DDX6: variants seen among roughly 807,000 people sequenced by gnomAD.
DDX6 encodes the protein DEAD-box helicase 6.
Under a neutral mutation model 60.6 loss-of-function variants are expected in DDX6, and 7 were observed. The observed-to-expected ratio is 0.12, with a 90% CI of 0.07 to 0.22. The LOEUF (loss-of-function observed/expected upper bound fraction) is 0.22, where lower values mean the gene tolerates loss of function less well. Ranked by LOEUF, DDX6 falls within the 10% of genes least tolerant of loss-of-function variation. The pLI is 1.00. For missense variants in DDX6, 270 were observed against 589.9 expected (o/e 0.46, Z 5.62); for synonymous variants, 207 against 201.0 (o/e 1.03, Z -0.25).
At position 118,786,521 on chromosome 11, in the gene DDX6, G is replaced by C; in HGVS notation, c.-267-3C>G. 3.4e-6 allele frequency: 1 copy of C among 290,320 alleles called. No individual in the cohort carries two copies. The allele number at this position is 290,320 out of a possible 1,614,324, so 18.0% of individuals were successfully genotyped here. The stretch of plus-strand genomic sequence containing the variant: ...TATCTGAATTCACTCACGTCAATCT[G>C]AAACAAACAAACAAAATTAAATTAG... On this transcript the variant is annotated splice_region_variant and splice_polypyrimidine_tract_variant and intron_variant, in intron 1 of 13. Coordinates refer to ENST00000534980, the MANE Select transcript of DDX6 (RefSeq NM_004397.6).
At chr11:118,769,500 C>T (rs1555161977) in intron 4 of DDX6, among the ~76,000 whole-genome samples, 1 of 151,984 alleles carries the variant, frequency 6.6e-6, no homozygotes, top group African/African-American at 2.4e-5. Flanking sequence ...ACTTAAATTT[C>T]CCAGACAACA....
intron 7 of DDX6, among the ~76,000 whole-genome samples, chr11:118,761,557 C>T (rs1272551035): frequency 1.3e-5 from 2 of 150,362 alleles, no homozygotes; most frequent in East Asian, 2.0e-4. Flanking sequence ...GTGGAGGTTG[C>T]GGTGAGCTGA....
At chr11:118,757,052 G>T in intron 10 of DDX6, 119 bp downstream of exon 10, 1 of 510,244 alleles carries the variant, frequency 2.0e-6, no homozygotes, top group Non-Finnish European at 3.4e-6. Flanking sequence ...AAAATGAAAG[G>T]TCCTTTGGCT....
At chr11:118,783,504 T>C (rs1002574748) in intron 2 of DDX6, among the ~76,000 whole-genome samples, 2 of 152,118 alleles carry the variant, frequency 1.3e-5, no homozygotes, top group African/African-American at 4.8e-5. Flanking sequence ...ATTTTTTAAA[T>C]AGAAAATATT....
chr11:118,779,761 AAAG>A, intron 3 of DDX6, 25 bp from the exon 4 acceptor site: 4 of 1,513,118 alleles, frequency 2.6e-6, no homozygotes, highest in Non-Finnish European at 3.6e-6. Context: ...AGGAACAATA[AAAG>A]AATAAATAAC....
intron 10 of DDX6, among the ~76,000 whole-genome samples, chr11:118,756,593 A>C (rs1860985351): frequency 6.6e-6 from 1 of 152,256 alleles, no homozygotes. Context: ...TCTGAAATTT[A>C]GATATTGTAT....
chr11:118,763,969 T>C (rs913661738), intron 6 of DDX6, among the ~76,000 whole-genome samples: 72 of 152,286 alleles, frequency 4.7e-4, no homozygotes, highest in African/African-American at 1.4e-3. Flanking sequence ...TAAAAAATAT[T>C]TGTTTCACCT....
chr11:118,758,983 C>A lies in DDX6; in HGVS notation c.865-81G>T, dbSNP rs184066572. The A allele has an allele frequency of 5.1e-5, 78 of 1,534,044 alleles. 1 individual carries two copies. The Middle Eastern group carries it at 8.5e-4, about 17-fold the overall frequency. ...TCTCAAATTCAAAATATACCCTATA[C>A]GTTTCTGTCCGATAAACTCTTGCTG... On this transcript the variant is annotated intron_variant, in intron 8 of 13. Transcript: ENST00000534980.
chr11:118,763,859 A>G (rs1190110381), intron 6 of DDX6, among the ~76,000 whole-genome samples: 2 of 151,196 alleles, frequency 1.3e-5, no homozygotes, highest in African/African-American at 4.9e-5. Flanking sequence ...AAAAAAAGAA[A>G]GAAAGAGAAG....
At chr11:118,785,968 G>T in intron 2 of DDX6, 84 bp downstream of exon 2, 1 of 1,289,092 alleles carries the variant, frequency 7.8e-7, no homozygotes, top group African/African-American at 1.5e-5. Flanking sequence ...TTAAATTAAG[G>T]CATAAGTATT....
rs1256744888 is a variant in DDX6 at position 118,765,503 on chromosome 11, A to G, written c.500-148T>C. The G allele has an allele frequency of 2.9e-5, 24 of 838,956 alleles. No homozygotes were observed. In the East Asian group the frequency reaches 5.2e-4, roughly 18 times the overall value. The allele number at this position is 838,956 out of a possible 1,614,324, so 52.0% of individuals were successfully genotyped here. ...CACCTGTAACTGCACCTTATGATGC[A>G]GTGGCTCACGCCTGTAATCCCAGCA... On this transcript the variant is annotated intron_variant, in intron 5 of 13. Coordinates refer to ENST00000534980, the MANE Select transcript of DDX6 (RefSeq NM_004397.6).
At chr11:118,756,164 G>C (rs983739844) in intron 11 of DDX6, 96 bp downstream of exon 11, 2 of 895,910 alleles carry the variant, frequency 2.2e-6, no homozygotes, top group Non-Finnish European at 3.6e-6. Context: ...GGGTGTGTCG[G>C]ACTATGTCAC....
At chr11:118,779,272 A>G (rs1555164197) in intron 4 of DDX6, among the ~76,000 whole-genome samples, 1 of 152,204 alleles carries the variant, frequency 6.6e-6, no homozygotes, top group Non-Finnish European at 1.5e-5. Context: ...TAAAAAAGAC[A>G]TAATTACAAA....
intron 7 of DDX6, among the ~76,000 whole-genome samples, chr11:118,761,531 C>T (rs1861164760): frequency 6.6e-6 from 1 of 151,480 alleles, no homozygotes; most frequent in Admixed American, 6.6e-5. Context: ...GCAGGAGAAT[C>T]GCTTGAACTT....
chr11:118,784,853 T>G (rs1403358828), intron 2 of DDX6, among the ~76,000 whole-genome samples: 1 of 152,018 alleles, frequency 6.6e-6, no homozygotes, highest in Admixed American at 6.6e-5. Flanking sequence ...CGGGTTTAAG[T>G]GATTCTCCTG....
At chr11:118,760,765 G>A (rs951541339) in intron 7 of DDX6, among the ~76,000 whole-genome samples, 1 of 145,908 alleles carries the variant, frequency 6.9e-6, no homozygotes, top group Non-Finnish European at 1.5e-5. Flanking sequence ...ACGCTGCAGT[G>A]AGCCAAGATC....
Position 118,751,391 on chromosome 11 carries a change from T to C in DDX6, c.*714A>G, listed in dbSNP as rs1860763911. 1.3e-5 allele frequency: 2 copies of C among 151,692 alleles called. No homozygotes were observed. Among genetic ancestry groups the C allele is most frequent in the African/African-American group, 2.4e-5 (1 of 41,238 alleles). The allele number at this position is 151,692 out of a possible 1,614,324, so 9.4% of individuals were successfully genotyped here. On this transcript the variant is annotated 3_prime_UTR_variant, in exon 14 of 14. Transcript: ENST00000534980. ...TTTTTTTAAATACATGTATTTACAG[T>C]GCGGATGAACTGCAGTTGCATATCA...
rs1261388384 is a variant in DDX6 at position 118,748,724 on chromosome 11, G to A, written c.*3381C>T. 6.6e-5 allele frequency: 10 copies of A among 150,780 alleles called. No individual in the cohort carries two copies. The highest frequency in any genetic ancestry group is 1.0e-4 in the Non-Finnish European group (7 of 67,788). The allele number at this position is 150,780 out of a possible 1,614,324, so 9.3% of individuals were successfully genotyped here. A position where few individuals can be genotyped will look rare whatever the true frequency, so the allele number is the denominator to read the frequency against. ...CAGACACCCTCCCTTCTGGGGCAAA[G>A]TACCCTCCCTCCCACCCCTATTAAA... On this transcript the variant is annotated 3_prime_UTR_variant, in exon 14 of 14. Transcript: ENST00000534980.
intron 4 of DDX6, among the ~76,000 whole-genome samples, chr11:118,776,791 C>A (rs915397977): frequency 2.0e-5 from 3 of 151,000 alleles, no homozygotes; most frequent in South Asian, 4.2e-4. Context: ...GGACATCGCG[C>A]CACTGCACTC....
Sources: allele counts gnomAD v4.1 joint callset (sites outside exome capture counted in the v4.1 genomes callset), GRCh38; gene constraint gnomAD v4.1.1; transcripts MANE v1.5; gene names NCBI Gene and HGNC (gene_info 2026-07-23, HGNC 2026-07-21).